The following BMPR1B variants were observed in gnomAD, a reference collection of about 807,000 sequenced individuals.
The protein encoded by BMPR1B is bone morphogenetic protein receptor type-1B.
Under a neutral mutation model 59.1 loss-of-function variants are expected in BMPR1B, and 12 were observed. That is an observed-to-expected ratio of 0.20 (90% CI 0.13 to 0.33). BMPR1B has a LOEUF of 0.33. Ranked by LOEUF, BMPR1B falls within the 10% of genes least tolerant of loss-of-function variation. The pLI, the probability that BMPR1B is intolerant of heterozygous loss-of-function variation, is 1.00. For missense variants in BMPR1B, 550 were observed against 610.9 expected (o/e 0.90, Z 1.05); for synonymous variants, 237 against 207.3 (o/e 1.14, Z -1.23).
intron 10 of BMPR1B, among the ~76,000 whole-genome samples, chr4:95,145,170 C>T (rs1381663179): frequency 1.3e-5 from 2 of 151,984 alleles, no homozygotes; most frequent in African/African-American, 2.4e-5. Flanking sequence ...TGTTGCAGTC[C>T]CATTCCTTTT....
At chr4:95,130,553 A>G (rs147132404) in intron 9 of BMPR1B, among the ~76,000 whole-genome samples, 9 of 152,192 alleles carry the variant, frequency 5.9e-5, no homozygotes, top group African/African-American at 1.4e-4. Context: ...CTGTTTTGCA[A>G]TGTCTTATGT....
chr4:94,896,724 A>T (rs1292339990), intron 2 of BMPR1B, among the ~76,000 whole-genome samples: 2 of 152,026 alleles, frequency 1.3e-5, no homozygotes, highest in Non-Finnish European at 1.5e-5. Context: ...AAAAGTGAAA[A>T]TACAGGTATA....
chr4:95,081,424 T>C (rs948829759), intron 3 of BMPR1B, among the ~76,000 whole-genome samples: 3 of 152,168 alleles, frequency 2.0e-5, no homozygotes, highest in Admixed American at 6.5e-5. Context: ...GAATTGAGCT[T>C]GCCAGTTCAA....
rs951301492 is a variant in BMPR1B, at chr4:95,119,489, C to G, written c.349+3702C>G. On this transcript the variant is annotated intron_variant, in intron 6 of 12. Coordinates refer to ENST00000515059, the MANE Select transcript of BMPR1B (RefSeq NM_001203.3). Reference sequence around the variant, plus strand: ...ACATTAAGAGCTTACAGATTATTTTCAAGATTTACTAAGCAGCATGTTTAG... The same window carrying G: ...ACATTAAGAGCTTACAGATTATTTTGAAGATTTACTAAGCAGCATGTTTAG... 2.6e-5 allele frequency among the ~76,000 whole-genome samples: 4 copies of G among 152,132 alleles called. 1 individual carries two copies. Among genetic ancestry groups the G allele is most frequent in the South Asian group, 4.1e-4 (2 of 4,826 alleles).
intron 8 of BMPR1B, among the ~76,000 whole-genome samples, chr4:95,125,770 A>C (rs1160059411): frequency 6.6e-6 from 1 of 152,122 alleles, no homozygotes; most frequent in Non-Finnish European, 1.5e-5. Context: ...CTTTCCCATT[A>C]CTGTGGAGTT....
chr4:94,785,696 T>C (rs1243363115), intron 1 of BMPR1B, among the ~76,000 whole-genome samples: 1 of 152,058 alleles, frequency 6.6e-6, no homozygotes, highest in Non-Finnish European at 1.5e-5. Context: ...ACAGAGAATA[T>C]TATGTTGAAA....
intron 3 of BMPR1B, among the ~76,000 whole-genome samples, chr4:95,033,156 G>A (rs1725000483): frequency 6.6e-6 from 1 of 152,112 alleles, no homozygotes; most frequent in South Asian, 2.1e-4. Flanking sequence ...TTGTTGTTGA[G>A]TTGTAGAAGA....
chr4:94,907,288 GGAGA>G (rs1319197706), intron 2 of BMPR1B, among the ~76,000 whole-genome samples: 1 of 152,072 alleles, frequency 6.6e-6, no homozygotes, highest in Non-Finnish European at 1.5e-5. Flanking sequence ...CTGTTTTAAA[GGAGA>G]GAAAGGCATC....
At chr4:95,085,304 A>G (rs1424306806) in intron 3 of BMPR1B, among the ~76,000 whole-genome samples, 1 of 152,158 alleles carries the variant, frequency 6.6e-6, no homozygotes, top group Non-Finnish European at 1.5e-5. Context: ...CCCCTGAGAC[A>G]GCAAGCAAGG....
chr4:94,945,100 GGGCAACGGCCATTTAGCACATT>G (rs1253094036), intron 2 of BMPR1B, among the ~76,000 whole-genome samples: 1 of 152,080 alleles, frequency 6.6e-6, no homozygotes, highest in African/African-American at 2.4e-5. Context: ...GGGAAAACAG[GGGCAACGGCCATTTAGCACATT>G]GGCTAAGAAG....
chr4:95,072,786 C>T (rs1159433662), intron 3 of BMPR1B, among the ~76,000 whole-genome samples: 1 of 152,002 alleles, frequency 6.6e-6, no homozygotes, highest in Non-Finnish European at 1.5e-5. Context: ...GTAATAAACA[C>T]AGTGAAGAAG....
chr4:94,775,152 C>G (rs1722322505), intron 1 of BMPR1B, among the ~76,000 whole-genome samples: 1 of 152,096 alleles, frequency 6.6e-6, no homozygotes, highest in Non-Finnish European at 1.5e-5. Context: ...AATAAGAATA[C>G]CAGTTCAGTA....
chr4:94,961,604 T>G (rs1376334587), intron 2 of BMPR1B, among the ~76,000 whole-genome samples: 1 of 152,206 alleles, frequency 6.6e-6, no homozygotes, highest in Non-Finnish European at 1.5e-5. Context: ...TACTATAACA[T>G]GGCAAGCTTT....
intron 2 of BMPR1B, among the ~76,000 whole-genome samples, chr4:94,903,259 C>T (rs1312808943): frequency 1.3e-5 from 2 of 151,776 alleles, no homozygotes; most frequent in African/African-American, 4.8e-5. Context: ...TCAATTTAAC[C>T]CCTTACCCCC....
chr4:95,079,172 C>T (rs1035929758), intron 3 of BMPR1B, among the ~76,000 whole-genome samples: 2 of 152,122 alleles, frequency 1.3e-5, no homozygotes, highest in Non-Finnish European at 2.9e-5. Context: ...AGAGATTTTA[C>T]CAAATGGCAA....
chr4:94,896,757 T>C (rs903684519), intron 2 of BMPR1B, among the ~76,000 whole-genome samples: 2 of 152,044 alleles, frequency 1.3e-5, no homozygotes, highest in African/African-American at 4.8e-5. Context: ...TAGAAAATTA[T>C]TGGCTCTTAG....
intron 1 of BMPR1B, among the ~76,000 whole-genome samples, chr4:94,803,892 T>TA (rs1296333369): frequency 2.0e-5 from 3 of 152,186 alleles, no homozygotes; most frequent in African/African-American, 7.2e-5. Flanking sequence ...TTTATTTATT[T>TA]TTTTGAGATA....
chr4:94,805,792 A>G (rs1321279344), intron 1 of BMPR1B, among the ~76,000 whole-genome samples: 1 of 152,160 alleles, frequency 6.6e-6, no homozygotes, highest in Non-Finnish European at 1.5e-5. Context: ...GAATGAAGTT[A>G]TATTTTGTCC....
intron 3 of BMPR1B, among the ~76,000 whole-genome samples, chr4:95,021,537 A>G (rs1292993512): frequency 6.6e-6 from 1 of 152,230 alleles, no homozygotes; most frequent in Non-Finnish European, 1.5e-5. Context: ...TAATACAGCT[A>G]AATAAATGCT....
Sources: gnomAD v4.1 joint callset for allele counts (sites outside exome capture counted in the v4.1 genomes callset) on GRCh38, gnomAD v4.1.1 for gene constraint, MANE v1.5 for transcripts, NCBI Gene and HGNC (gene_info 2026-07-23, HGNC 2026-07-21) for gene names.